Variants in GPR89B observed in about 807,000 individuals in gnomAD.
GPR89B encodes G protein-coupled receptor 89B.
In GPR89B, 25 loss-of-function variants were observed where a neutral mutation model predicts 52.4. The observed-to-expected ratio is 0.48, with a 90% CI of 0.35 to 0.67. The LOEUF (loss-of-function observed/expected upper bound fraction) is 0.67. Among genes scored for constraint, GPR89B ranks in the 30% least tolerant of loss-of-function variants. The pLI is 0.01. For synonymous variants in GPR89B, 52 were observed against 151.2 expected, an observed-to-expected ratio of 0.34 and a Z score of 4.81; for missense variants, 146 against 450.2, an observed-to-expected ratio of 0.32 and a Z score of 6.11.
chr1:148,006,111 A>C, the GPR89B span, among the ~76,000 whole-genome samples: 5 of 152,198 alleles, frequency 3.3e-5, no homozygotes, highest in Non-Finnish European at 7.3e-5. Flanking sequence ...TGAACTTGAC[A>C]CAGCCTTTAC....
chr1:148,018,789 C>T, the GPR89B span, among the ~76,000 whole-genome samples: 3 of 151,716 alleles, frequency 2.0e-5, no homozygotes, highest in South Asian at 6.2e-4. Flanking sequence ...GCCTCAGCCT[C>T]CCTAGTAGCT....
At chr1:147,981,318 GAC>G (rs1189035337) in intron 10 of GPR89B, among the ~76,000 whole-genome samples, 2 of 149,168 alleles carry the variant, frequency 1.3e-5, no homozygotes, top group African/African-American at 5.0e-5. Flanking sequence ...CTCCCTCCCC[GAC>G]ACACACACAT....
At chr1:147,964,587 C>T (rs1457747308) in intron 7 of GPR89B, among the ~76,000 whole-genome samples, 19 of 151,834 alleles carry the variant, frequency 1.3e-4, no homozygotes, top group African/African-American at 4.6e-4. Flanking sequence ...AATATTGTTA[C>T]CTTCTTAAAT....
the GPR89B span, among the ~76,000 whole-genome samples, chr1:148,013,282 G>C: frequency 5.9e-5 from 9 of 152,086 alleles, 1 homozygote; most frequent in Admixed American, 2.6e-4. Flanking sequence ...ATAGCACGGC[G>C]GAGATAGGGC....
At chr1:148,006,342 G>C in the GPR89B span, among the ~76,000 whole-genome samples, 2 of 152,264 alleles carry the variant, frequency 1.3e-5, no homozygotes, top group African/African-American at 4.8e-5. Context: ...GTATGCTGCG[G>C]AGTCATCTCA....
intron 7 of GPR89B, among the ~76,000 whole-genome samples, chr1:147,958,974 A>T (rs1194340319): frequency 6.7e-6 from 1 of 149,500 alleles, no homozygotes; most frequent in Non-Finnish European, 1.5e-5. Context: ...CACAATATAG[A>T]AAAACTGTTT....
At chr1:148,009,431 A>T in the GPR89B span, 1 of 1,609,298 alleles carries the variant, frequency 6.2e-7, no homozygotes, top group Non-Finnish European at 8.5e-7. Flanking sequence ...GCACACCTCC[A>T]TTCATCACAG....
At position 147,986,327 on chromosome 1, in the gene GPR89B, G is replaced by GT. The variant is rs1386779739; in HGVS notation, c.1005+36dup. 970 of 1,610,642 alleles carry GT rather than the reference G, an allele frequency of 6.0e-4. 5 individuals are homozygous for GT. In the African/African-American group the frequency reaches 8.6e-3, roughly 14 times the overall value. ...TTATATCAAGATCCTGGTTTGTCATGTTTCTGTTTTATCTGCTATAACTTA... is the reference window on the plus strand; with the variant it reads ...TTATATCAAGATCCTGGTTTGTCATGTTTTCTGTTTTATCTGCTATAACTTA... On this transcript the variant is annotated intron_variant, in intron 11 of 13. Coordinates refer to ENST00000314163, the MANE Select transcript of GPR89B (RefSeq NM_016334.5).
chr1:147,976,839 A>G, intron 10 of GPR89B, among the ~76,000 whole-genome samples: 1 of 151,804 alleles, frequency 6.6e-6, no homozygotes, highest in Admixed American at 6.6e-5. Context: ...GGTGGTCACA[A>G]GTTCCCTCAG....
Position 147,968,898 on chromosome 1 carries a change from G to T in GPR89B, c.751G>T (p.Val251Leu), listed in dbSNP as rs1235423622. 3 of 1,611,498 alleles carry T rather than the reference G, an allele frequency of 1.9e-6. No homozygotes were observed. The highest frequency in any genetic ancestry group is 2.5e-6 in the Non-Finnish European group (3 of 1,178,310). The change falls in exon 9 of 14, where the codon GTG becomes TTG. Residue 251 changes from valine (V) to leucine (L), a missense_variant. Physicochemically the swap from Val to Leu is conservative, Grantham distance 32. Coordinates refer to ENST00000314163, the MANE Select transcript of GPR89B (RefSeq NM_016334.5). ...AGATCTTACTCTTATTCAACAGGAA[G>T]TGGATGCTTTGGAAGAATTAAGCAG... Reference protein sequence around the residue: ...SENLTLIQQEVDALEELSRQL... With the variant: ...SENLTLIQQELDALEELSRQL...
chr1:147,937,790 CAT>C lies in GPR89B; in HGVS notation c.103-923_103-922del, dbSNP rs587752225. Among the ~76,000 whole-genome samples the C allele has an allele frequency of 4.5e-4, 69 of 152,300 alleles. 1 individual carries two copies. The South Asian group carries it at 9.5e-3, about 21-fold the overall frequency. ...ACTAATTTCATATTGTTCAAACACA[CAT>C]GTTTTGCAAACAATTTGTACAGTTA... On this transcript the variant is annotated intron_variant, in intron 2 of 13. Transcript: ENST00000314163.
chr1:148,014,324 G>A, the GPR89B span: 3 of 151,920 alleles, frequency 2.0e-5, no homozygotes, highest in Admixed American at 1.3e-4. Context: ...GCTTCGGTGA[G>A]AACACCAAGG....
At chr1:148,009,947 G>A in the GPR89B span, among the ~76,000 whole-genome samples, 1 of 151,922 alleles carries the variant, frequency 6.6e-6, no homozygotes, top group Non-Finnish European at 1.5e-5. Context: ...ATTCGGACAT[G>A]AGATGCATTC....
chr1:147,965,720 A>G (rs1656979718), intron 7 of GPR89B, among the ~76,000 whole-genome samples: 1 of 152,172 alleles, frequency 6.6e-6, no homozygotes, highest in Non-Finnish European at 1.5e-5. Context: ...GGACAGGTTT[A>G]TGCAATTTTG....
chr1:147,960,387 C>A (rs1387554047), intron 7 of GPR89B, among the ~76,000 whole-genome samples: 1 of 151,572 alleles, frequency 6.6e-6, no homozygotes, highest in African/African-American at 2.4e-5. Context: ...CAAATATATT[C>A]AAAAAAGTGA....
intron 10 of GPR89B, among the ~76,000 whole-genome samples, chr1:147,971,462 GTCT>G (rs1299374879): frequency 8.1e-6 from 1 of 123,974 alleles, no homozygotes; most frequent in Non-Finnish European, 1.7e-5. Flanking sequence ...AGGGAAGCAT[GTCT>G]TTTTTTTTTT....
At chr1:147,937,101 T>C (rs1441080755) in intron 2 of GPR89B, among the ~76,000 whole-genome samples, 1 of 152,070 alleles carries the variant, frequency 6.6e-6, no homozygotes, top group Non-Finnish European at 1.5e-5. Flanking sequence ...ACATAGGTTC[T>C]TTCTGTTTTC....
chr1:147,972,006 C>G (rs1237202386), intron 10 of GPR89B, among the ~76,000 whole-genome samples: 1 of 151,920 alleles, frequency 6.6e-6, no homozygotes, highest in East Asian at 1.9e-4. Flanking sequence ...AGACGACTGC[C>G]AGTCTGCTTT....
chr1:147,950,098 G>A lies in GPR89B; in HGVS notation c.416-3247G>A, dbSNP rs1347223942. 5.3e-5 allele frequency among the ~76,000 whole-genome samples: 8 copies of A among 151,770 alleles called. No homozygotes were observed. The East Asian group carries it at 5.9e-4, about 11-fold the overall frequency. On this transcript the variant is annotated intron_variant, in intron 5 of 13. Transcript: ENST00000314163. ...TGATCCCCCCACCTCCCTCCCGGAC[G>A]GGGTGGCTGCCGGGCAGAGACGCTC...
Sources: gnomAD v4.1 joint callset for allele counts (sites outside exome capture counted in the v4.1 genomes callset) on GRCh38, gnomAD v4.1.1 for gene constraint, MANE v1.5 for transcripts, NCBI Gene and HGNC (gene_info 2026-07-23, HGNC 2026-07-21) for gene names.